The following SHISA9 variants were observed in gnomAD, a reference collection of about 807,000 sequenced individuals.
SHISA9 encodes the protein shisa family member 9.
Under a neutral mutation model 38.0 loss-of-function variants are expected in SHISA9, and 13 were observed. That is an observed-to-expected ratio of 0.34 (90% CI 0.22 to 0.54). The LOEUF is 0.54. Ranked by LOEUF, SHISA9 falls within the 20% of genes least tolerant of loss-of-function variation. The pLI, the probability that SHISA9 is intolerant of heterozygous loss-of-function variation, is 0.91. For synonymous variants in SHISA9, 275 were observed against 242.0 expected (o/e 1.14, Z -1.27); for missense variants, 538 against 575.8 (o/e 0.93, Z 0.67).
the SHISA9 span, among the ~76,000 whole-genome samples, chr16:13,443,958 C>T: frequency 1.3e-5 from 2 of 152,192 alleles, no homozygotes; most frequent in African/African-American, 2.4e-5. Flanking sequence ...TACTTCTTGG[C>T]CTGGCAAGGC....
the SHISA9 span, among the ~76,000 whole-genome samples, chr16:13,400,819 G>T: frequency 1.3e-5 from 2 of 152,210 alleles, no homozygotes; most frequent in African/African-American, 4.8e-5. Context: ...AATGTCAGCT[G>T]CACAGAGCAG....
chr16:13,365,734 C>T, the SHISA9 span, among the ~76,000 whole-genome samples: 1 of 152,158 alleles, frequency 6.6e-6, no homozygotes, highest in Non-Finnish European at 1.5e-5. Flanking sequence ...GCTGGGATTA[C>T]AGGCCTGAGC....
the SHISA9 span, among the ~76,000 whole-genome samples, chr16:13,357,387 G>T: frequency 4.3e-4 from 66 of 152,272 alleles, 1 homozygote; most frequent in African/African-American, 1.3e-3. Context: ...TTGAGGGATA[G>T]TGAGGGAGGT....
At chr16:13,416,787 G>C in the SHISA9 span, among the ~76,000 whole-genome samples, 7 of 97,052 alleles carry the variant, frequency 7.2e-5, no homozygotes, top group East Asian at 2.4e-3. Flanking sequence ...AAGGAAGGAA[G>C]GAAGGGAAGG....
intron 4 of SHISA9, among the ~76,000 whole-genome samples, chr16:13,226,720 G>A (rs946709021): frequency 6.6e-6 from 1 of 152,190 alleles, no homozygotes; most frequent in Non-Finnish European, 1.5e-5. Flanking sequence ...TGGGTCTGCT[G>A]TTAGGTGGCT....
chr16:13,363,599 A>G, the SHISA9 span, among the ~76,000 whole-genome samples: 2 of 152,186 alleles, frequency 1.3e-5, no homozygotes, highest in African/African-American at 2.4e-5. Context: ...AGAGCTTTGA[A>G]TTTGGAGAAC....
rs538541214 is a variant in SHISA9, at chr16:12,969,465, G to A, written c.691+52650G>A. On this transcript the variant is annotated intron_variant, in intron 2 of 4. Transcript: ENST00000558583. ...CTTCTGTAAGTGTTGTTCTCCAGGC[G>A]GGGTGCAGTGGCTCACACCTGTAAT... Among the ~76,000 whole-genome samples the A allele has an allele frequency of 1.4e-4, 22 of 151,826 alleles. 1 individual carries two copies. The South Asian group carries it at 1.9e-3, about 13-fold the overall frequency.
At chr16:13,557,752 G>C in the SHISA9 span, among the ~76,000 whole-genome samples, 2,131 of 152,172 alleles carry the variant, frequency 0.014, 45 homozygotes, top group African/African-American at 0.049. Flanking sequence ...TCTCTACCCA[G>C]GAAGGAGATG....
At chr16:13,300,247 G>A in the SHISA9 span, among the ~76,000 whole-genome samples, 3,287 of 152,012 alleles carry the variant, frequency 0.022, 113 homozygotes, top group African/African-American at 0.074. Context: ...GACCCAATCC[G>A]CCCCCACATT....
chr16:13,001,659 G>C (rs2072527408), intron 2 of SHISA9, among the ~76,000 whole-genome samples: 1 of 152,224 alleles, frequency 6.6e-6, no homozygotes. Flanking sequence ...TATATGCAAT[G>C]TTTAACTCAA....
At chr16:13,388,859 C>T in the SHISA9 span, among the ~76,000 whole-genome samples, 1 of 152,162 alleles carries the variant, frequency 6.6e-6, no homozygotes, top group Non-Finnish European at 1.5e-5. Flanking sequence ...CGTCTAGTAG[C>T]ATTCTTCCAA....
chr16:13,174,055 A>G (rs1349997402), intron 2 of SHISA9, among the ~76,000 whole-genome samples: 1 of 152,134 alleles, frequency 6.6e-6, no homozygotes, highest in Non-Finnish European at 1.5e-5. Context: ...TCAGTTTCCC[A>G]TCCCCACCCT....
chr16:12,918,349 A>G (rs764776494), intron 2 of SHISA9, among the ~76,000 whole-genome samples: 1 of 152,228 alleles, frequency 6.6e-6, no homozygotes, highest in Non-Finnish European at 1.5e-5. Context: ...ACAAATGAAC[A>G]TGATCACAGA....
the SHISA9 span, among the ~76,000 whole-genome samples, chr16:13,262,640 G>GGAAC: frequency 2.7e-5 from 1 of 37,506 alleles, no homozygotes; most frequent in Admixed American, 2.3e-4. Context: ...GTGGAAGGAA[G>GGAAC]GAAGGAAGGA....
At chr16:13,021,991 G>A (rs1332798050) in intron 2 of SHISA9, among the ~76,000 whole-genome samples, 1 of 152,156 alleles carries the variant, frequency 6.6e-6, no homozygotes, top group African/African-American at 2.4e-5. Flanking sequence ...TGGTGGGGCT[G>A]CGCTCCCTCT....
At chr16:13,367,235 A>G in the SHISA9 span, among the ~76,000 whole-genome samples, 1 of 150,628 alleles carries the variant, frequency 6.6e-6, no homozygotes, top group Non-Finnish European at 1.5e-5. Context: ...TGCCACTACC[A>G]TATGCTGAGG....
chr16:12,937,900 TC>T (rs2071555273), intron 2 of SHISA9, among the ~76,000 whole-genome samples: 1 of 152,198 alleles, frequency 6.6e-6, no homozygotes, highest in Non-Finnish European at 1.5e-5. Context: ...CCTAGATATA[TC>T]TTTTGCCCTT....
At chr16:13,069,897 G>T (rs1293917941) in intron 2 of SHISA9, among the ~76,000 whole-genome samples, 1 of 152,102 alleles carries the variant, frequency 6.6e-6, no homozygotes, top group Non-Finnish European at 1.5e-5. Context: ...TATGAGGAAT[G>T]AGTCCTCATC....
At position 13,235,362 on chromosome 16, in the gene SHISA9, C is replaced by T. The variant is rs1419319669; in HGVS notation, c.1228C>T (p.Pro410Ser). The T allele has an allele frequency of 3.9e-6, 6 of 1,541,554 alleles. No individual in the cohort carries two copies. In the Admixed American group the frequency reaches 9.8e-5, roughly 25 times the overall value. ...LGTRPQHYPP[P>S]QPYFITNSKT... ...AACTCGCCCCCAGCACTACCCACCC[C>T]CACAGCCATACTTCATCACCAACAG... The change falls in exon 5 of 5, where the codon CCA (proline) becomes TCA (serine). Residue 410 changes from proline to serine, a missense_variant. Physicochemically the swap from Pro to Ser is moderately conservative, Grantham distance 74 (BLOSUM62 -1). Coordinates refer to ENST00000558583, the MANE Select transcript of SHISA9 (RefSeq NM_001145204.3).
Sources: gnomAD v4.1 joint callset for allele counts (sites outside exome capture counted in the v4.1 genomes callset) on GRCh38, gnomAD v4.1.1 for gene constraint, MANE v1.5 for transcripts, NCBI Gene and HGNC (gene_info 2026-07-23, HGNC 2026-07-21) for gene names.